Variants in ZNF205 observed in about 807,000 individuals in gnomAD.
ZNF205 encodes transcriptional repressor RHIT.
A neutral mutation model predicts 53.6 loss-of-function variants in ZNF205; 32 were observed. The observed-to-expected ratio is 0.60, with a 90% CI of 0.45 to 0.80. The LOEUF (loss-of-function observed/expected upper bound fraction) is 0.80, where lower values mean the gene tolerates loss of function less well. Among genes scored for constraint, ZNF205 ranks in the 30% least tolerant of loss-of-function variants. The pLI is 0.00. For missense variants in ZNF205, 836 were observed against 782.4 expected, an observed-to-expected ratio of 1.07 and a Z score of -0.82; for synonymous variants, 382 against 334.3, an observed-to-expected ratio of 1.14 and a Z score of -1.56.
At position 3,120,226 on chromosome 16, in the gene ZNF205, C is replaced by T. The variant is rs552682528; in HGVS notation, c.1566C>T (p.His522=). The T allele has an allele frequency of 1.6e-5, 26 of 1,609,524 alleles. No homozygotes were observed. In the African/African-American group the frequency reaches 2.1e-4, roughly 13 times the overall value. The stretch of plus-strand genomic sequence containing the variant: ...GCCGGCGCTCCAACCTGCACCGGCA[C>T]GAGAAGATCCACACCACCGGGCCCA... ...SFSRRSNLHR[H]EKIHTTGPKA... Residue 522 remains histidine (H), a synonymous_variant, in exon 7 of 7, where the codon CAC becomes CAT. Transcript: ENST00000219091.
At chr16:3,115,994 G>C in intron 4 of ZNF205, 74 bp downstream of exon 4, 1 of 1,468,872 alleles carries the variant, frequency 6.8e-7, no homozygotes, top group South Asian at 1.2e-5. Flanking sequence ...TGAAAGCCAG[G>C]ACCCCGCTGG....
In ZNF205 at chr16:3,120,380, A is replaced by G. The variant is rs1247427315; in HGVS notation, c.*55A>G. 4.2e-6 allele frequency: 6 copies of G among 1,445,082 alleles called. No homozygotes were observed. Among genetic ancestry groups the G allele is most frequent in the Non-Finnish European group, 5.4e-6 (6 of 1,104,622 alleles). The allele number at this position is 1,445,082 out of a possible 1,614,324, so 89.5% of individuals were successfully genotyped here. On this transcript the variant is annotated 3_prime_UTR_variant, in exon 7 of 7. Coordinates refer to ENST00000219091, the MANE Select transcript of ZNF205 (RefSeq NM_001042428.2). ...AGGGCCACTGGAACAGCCCCACTGG[A>G]GTCAAGGCTCCGAGGGAGGAGAGAG...
rs144688312 is a variant in ZNF205, at chr16:3,118,355, A to C, written c.485-550A>C. 2.1e-3 allele frequency among the ~76,000 whole-genome samples: 324 copies of C among 152,090 alleles called. 4 individuals are homozygous for C. Among genetic ancestry groups the C allele is most frequent in the Admixed American group, 8.2e-3 (126 of 15,274 alleles). On this transcript the variant is annotated intron_variant, in intron 5 of 6. Coordinates refer to ENST00000219091, the MANE Select transcript of ZNF205 (RefSeq NM_001042428.2). ...AGGCAAGTCCTGAGGGATCAGAAGG[A>C]TCTCAACACCCATTTTCAGCACCAC... is the stretch of plus-strand genomic sequence containing the variant.
At chr16:3,113,872 CGTGTGTGTGTGCGTGCGTGGTTGA>C (rs1957304891) in intron 2 of ZNF205, among the ~76,000 whole-genome samples, 1 of 151,834 alleles carries the variant, frequency 6.6e-6, no homozygotes, top group Non-Finnish European at 1.5e-5. Flanking sequence ...ACCTGCTACC[CGTGTGTGTGTGCGTGCGTGGTTGA>C]GTGTGTGTGT....
At chr16:3,115,327 T>C in intron 2 of ZNF205, 28 bp from the exon 3 acceptor site, 1 of 1,522,372 alleles carries the variant, frequency 6.6e-7, no homozygotes, top group Non-Finnish European at 8.8e-7. Flanking sequence ...CCCACTCATC[T>C]GGGTGCTGAT....
At chr16:3,117,594 C>T (rs1016325749) in intron 5 of ZNF205, among the ~76,000 whole-genome samples, 15 of 151,720 alleles carry the variant, frequency 9.9e-5, no homozygotes, top group African/African-American at 2.7e-4. Flanking sequence ...GCTACAGGTA[C>T]CACCATGCCC....
intron 2 of ZNF205, among the ~76,000 whole-genome samples, chr16:3,114,415 G>A (rs777123286): frequency 2.0e-5 from 3 of 152,130 alleles, no homozygotes; most frequent in East Asian, 1.9e-4. Context: ...GAGGGGTGTC[G>A]CTGGGTCTGG....
Position 3,119,637 on chromosome 16 carries a change from A to G in ZNF205, c.977A>G (p.His326Arg). The change falls in exon 7 of 7, where the codon CAC (histidine) becomes CGC (arginine). Residue 326 changes from histidine (H) to arginine (R), a missense_variant. Physicochemically the swap from His to Arg is conservative, Grantham distance 29 (BLOSUM62 0). Transcript: ENST00000219091. ...AGCTGGCACTCGCACCTGGTGACGC[A>G]CCGGCGCACGCACACGGGCGAGAAG... ...GFSWHSHLVT[H>R]RRTHTGEKPY... The G allele has an allele frequency of 6.2e-7, 1 of 1,612,154 alleles. No homozygotes were observed. Among genetic ancestry groups the G allele is most frequent in the Non-Finnish European group, 8.5e-7 (1 of 1,179,456 alleles).
rs753990680 is a variant in ZNF205, at chr16:3,115,861, C to G, written c.304C>G (p.Arg102Gly). The G allele has an allele frequency of 9.3e-6, 15 of 1,613,948 alleles. No homozygotes were observed. The highest frequency in any genetic ancestry group is 1.3e-5 in the African/African-American group (1 of 74,950). Residue 102 changes from arginine to glycine, a missense_variant, in exon 4 of 7, where the codon CGA (arginine) becomes GGA (glycine). Physicochemically the swap from Arg to Gly is moderately radical, Grantham distance 125. Transcript: ENST00000219091. Reference sequence around the variant, plus strand: ...CTCCCCCCGGATCCCCGTGCTTTCCCGAGAGGGGAGGACCAGAGACCGGCA... The same window carrying G: ...CTCCCCCCGGATCCCCGTGCTTTCCGGAGAGGGGAGGACCAGAGACCGGCA... ...LPSPRIPVLS[R>G]EGRTRDRQMA...
chr16:3,118,946 G>A lies in ZNF205; in HGVS notation c.526G>A (p.Gly176Ser), dbSNP rs777772118. Residue 176 changes from glycine (G) to serine (S), a missense_variant, in exon 6 of 7, where the codon GGC becomes AGC. Gly to Ser is a moderately conservative substitution (Grantham distance 56). Coordinates refer to ENST00000219091, the MANE Select transcript of ZNF205 (RefSeq NM_001042428.2). ...GCCTTTCTGGGCCCCTCAAGCGCAC[G>A]GCAAGGGTGAGGCCTCGGGCTCCAG... Reference protein sequence around the residue: ...SRPFWAPQAHGKGEASGSSRQ... With the variant: ...SRPFWAPQAHSKGEASGSSRQ... 1.2e-6 allele frequency: 2 copies of A among 1,613,648 alleles called. No individual in the cohort carries two copies. The highest frequency in any genetic ancestry group is 8.5e-7 in the Non-Finnish European group (1 of 1,179,972).
intron 1 of ZNF205, chr16:3,112,983 G>A (rs752198690): frequency 4.8e-6 from 1 of 209,218 alleles, no homozygotes; most frequent in African/African-American, 2.4e-5. Flanking sequence ...CTGGGGTCGG[G>A]GGACAGCAGG....
In ZNF205 at chr16:3,112,686, A is replaced by G. The variant is rs1415392875; in HGVS notation, c.-15+4A>G. On this transcript the variant is annotated splice_donor_region_variant and intron_variant, in intron 1 of 6. Transcript: ENST00000219091. ...TGCCCCCTCTGCCTCCACCCCGGTGAGAAGGGGGTGCTGGGGAGGGCATCT... is the reference window on the plus strand; with the variant it reads ...TGCCCCCTCTGCCTCCACCCCGGTGGGAAGGGGGTGCTGGGGAGGGCATCT... The G allele has an allele frequency of 6.7e-6, 2 of 300,194 alleles. No individual in the cohort carries two copies. Among genetic ancestry groups the G allele is most frequent in the Non-Finnish European group, 1.3e-5 (2 of 149,336 alleles). 18.6% of individuals were successfully genotyped at this position (300,194 alleles called of 1,614,324 possible). A position where few individuals can be genotyped will look rare whatever the true frequency, so the allele number is the denominator to read the frequency against.
At chr16:3,116,223 G>A in intron 4 of ZNF205, 1 of 737,668 alleles carries the variant, frequency 1.4e-6, no homozygotes. Context: ...TGTGATCCCT[G>A]AAAATACCTC....
intron 5 of ZNF205, among the ~76,000 whole-genome samples, chr16:3,116,895 T>C (rs971303565): frequency 1.3e-5 from 2 of 152,036 alleles, no homozygotes; most frequent in Non-Finnish European, 2.9e-5. Context: ...CCCGGGTTCA[T>C]GCCATTCTCC....
intron 4 of ZNF205, 113 bp from the exon 5 acceptor site, chr16:3,116,314 C>A (rs1481195706): frequency 1.3e-5 from 19 of 1,498,334 alleles, no homozygotes; most frequent in Non-Finnish European, 1.4e-5. Context: ...TGGCAGGCCT[C>A]ACTCGACACA....
At chr16:3,112,757 G>A (rs760495260) in intron 1 of ZNF205, 75 bp downstream of exon 1, 83 of 240,192 alleles carry the variant, frequency 3.5e-4, no homozygotes, top group Non-Finnish European at 5.5e-4. Context: ...GAGGGGATGG[G>A]GTCAAAGGTG....
At chr16:3,116,321 C>T in intron 4 of ZNF205, 106 bp from the exon 5 acceptor site, 2 of 1,531,060 alleles carry the variant, frequency 1.3e-6, no homozygotes, top group South Asian at 1.2e-5. Flanking sequence ...CCTCACTCGA[C>T]ACAGTGGGTT....
intron 2 of ZNF205, 156 bp from the exon 3 acceptor site, chr16:3,115,199 G>T (rs192502924): frequency 1.8e-6 from 1 of 545,254 alleles, no homozygotes; most frequent in South Asian, 7.2e-5. Flanking sequence ...TCCTCTTGCC[G>T]CCCGTCCTTG....
In ZNF205 at chr16:3,120,025, G is replaced by C; in HGVS notation, c.1365G>C (p.Lys455Asn). The change falls in exon 7 of 7, where the codon AAG becomes AAC. Residue 455 changes from lysine (K) to asparagine (N), a missense_variant. By Grantham distance (94) the Lys-to-Asn change is moderately conservative (BLOSUM62 0). Coordinates refer to ENST00000219091, the MANE Select transcript of ZNF205 (RefSeq NM_001042428.2). ...VKPYPCPECG[K>N]CFSQRSNLIA... Reference sequence around the variant, plus strand: ...CCTATCCGTGCCCCGAGTGCGGCAAGTGCTTCAGCCAGCGTTCCAACCTCA... The same window carrying C: ...CCTATCCGTGCCCCGAGTGCGGCAACTGCTTCAGCCAGCGTTCCAACCTCA... 6.2e-7 allele frequency: 1 copy of C among 1,613,760 alleles called. No individual in the cohort carries two copies. Among genetic ancestry groups the C allele is most frequent in the Non-Finnish European group, 8.5e-7 (1 of 1,179,878 alleles).
Sources: gnomAD v4.1 joint callset for allele counts (sites outside exome capture counted in the v4.1 genomes callset) on GRCh38, gnomAD v4.1.1 for gene constraint, MANE v1.5 for transcripts, NCBI Gene and HGNC (gene_info 2026-07-23, HGNC 2026-07-21) for gene names.